KIF6: variants seen among roughly 807,000 people sequenced by gnomAD.
KIF6 encodes the protein kinesin family member 6.
A neutral mutation model predicts 112.7 loss-of-function variants in KIF6; 106 were observed. The observed-to-expected ratio is 0.94, with a 90% CI of 0.80 to 1.11. KIF6 has a LOEUF of 1.11. Ranked by LOEUF, KIF6 falls within the 50% of genes least tolerant of loss-of-function variation. KIF6 has a pLI of 0.00. For synonymous variants in KIF6, 339 were observed against 339.9 expected, an observed-to-expected ratio of 1.00 and a Z score of 0.03; for missense variants, 929 against 964.0, an observed-to-expected ratio of 0.96 and a Z score of 0.48.
intron 16 of KIF6, among the ~76,000 whole-genome samples, chr6:39,376,024 G>T (rs1358791906): frequency 6.6e-6 from 1 of 152,158 alleles, no homozygotes; most frequent in Non-Finnish European, 1.5e-5. Flanking sequence ...CTCACTCCCA[G>T]CCTCTCCCTT....
intron 7 of KIF6, among the ~76,000 whole-genome samples, chr6:39,593,154 C>T (rs57795740): frequency 0.02 from 2,971 of 152,214 alleles, 91 homozygotes; most frequent in African/African-American, 0.067. Flanking sequence ...CATTGTCTAA[C>T]GTAACTCACA....
intron 13 of KIF6, among the ~76,000 whole-genome samples, chr6:39,454,821 A>T (rs1401388284): frequency 2.0e-5 from 3 of 152,116 alleles, no homozygotes; most frequent in Non-Finnish European, 4.4e-5. Context: ...CCGGCTTAAA[A>T]AACGGCGCAC....
intron 3 of KIF6, among the ~76,000 whole-genome samples, chr6:39,648,223 C>CTG (rs1785278736): frequency 1.6e-5 from 1 of 61,718 alleles, no homozygotes. Flanking sequence ...GGGGGGCGGG[C>CTG]GGGGGGGGGT....
chr6:39,590,923 C>T (rs114632398), intron 7 of KIF6, among the ~76,000 whole-genome samples: 269 of 152,272 alleles, frequency 1.8e-3, no homozygotes, highest in African/African-American at 6.0e-3. Context: ...CTATCAAGGA[C>T]TTAGTTTTTG....
intron 13 of KIF6, among the ~76,000 whole-genome samples, chr6:39,536,969 T>C (rs1398504267): frequency 2.6e-5 from 4 of 152,092 alleles, no homozygotes; most frequent in African/African-American, 4.8e-5. Context: ...AAAAACCACA[T>C]GATTATCTCA....
rs767480521 is a variant in KIF6, at chr6:39,586,214, G to C, written c.990+47C>G. 6.2e-6 allele frequency: 10 copies of C among 1,604,870 alleles called. No homozygotes were observed. In the South Asian group the frequency reaches 8.8e-5, roughly 14 times the overall value. ...AGCCTCAACTCCGTCTCACGTGCTAGCAGTAAAAACCTAGATTAAGATCTC... is the reference window on the plus strand; with the variant it reads ...AGCCTCAACTCCGTCTCACGTGCTACCAGTAAAAACCTAGATTAAGATCTC... On this transcript the variant is annotated intron_variant, in intron 8 of 22. Coordinates refer to ENST00000287152, the MANE Select transcript of KIF6 (RefSeq NM_145027.6).
At chr6:39,560,731 A>G (rs1465638429) in intron 10 of KIF6, among the ~76,000 whole-genome samples, 1 of 152,228 alleles carries the variant, frequency 6.6e-6, no homozygotes, top group African/African-American at 2.4e-5. Flanking sequence ...TCTGTCATTA[A>G]TACATCTTTG....
At chr6:39,375,390 T>A (rs1011689811) in intron 16 of KIF6, among the ~76,000 whole-genome samples, 6 of 152,238 alleles carry the variant, frequency 3.9e-5, no homozygotes, top group Non-Finnish European at 8.8e-5. Context: ...AATGAATATG[T>A]TAATTAGCTT....
chr6:39,701,802 TCA>T (rs1389439107), intron 3 of KIF6, among the ~76,000 whole-genome samples: 1 of 152,212 alleles, frequency 6.6e-6, no homozygotes, highest in Non-Finnish European at 1.5e-5. Flanking sequence ...GTTTTGCATT[TCA>T]CACTAGAGAC....
intron 20 of KIF6, among the ~76,000 whole-genome samples, chr6:39,346,132 C>CCTCTCTCTCTCTCTCTCTCTCTCT (rs779814201): frequency 2.6e-4 from 7 of 26,936 alleles, no homozygotes; most frequent in African/African-American, 7.4e-4. Context: ...CCTCCCTCTC[C>CCTCTCTCTCTCTCTCTCTCTCTCT]CTCTCTCTCT....
intron 13 of KIF6, among the ~76,000 whole-genome samples, chr6:39,471,308 C>A (rs1164973008): frequency 6.6e-6 from 1 of 152,128 alleles, no homozygotes; most frequent in Non-Finnish European, 1.5e-5. Context: ...ACTCTTTGAC[C>A]TTTCTTTCCA....
chr6:39,670,704 C>T (rs1195327110), intron 3 of KIF6, among the ~76,000 whole-genome samples: 1 of 152,140 alleles, frequency 6.6e-6, no homozygotes, highest in Non-Finnish European at 1.5e-5. Flanking sequence ...GGTTTATTGA[C>T]TTTAGGGTCT....
chr6:39,650,485 T>C (rs1450200859), intron 3 of KIF6, among the ~76,000 whole-genome samples: 2 of 151,812 alleles, frequency 1.3e-5, no homozygotes, highest in Non-Finnish European at 2.9e-5. Context: ...ATTTACATTA[T>C]AAAAAGTATA....
At chr6:39,662,995 A>G (rs928114167) in intron 3 of KIF6, among the ~76,000 whole-genome samples, 8 of 151,856 alleles carry the variant, frequency 5.3e-5, no homozygotes, top group Non-Finnish European at 1.2e-4. Flanking sequence ...CACAGACTCA[A>G]TTGATCCTCC....
chr6:39,705,012 G>C (rs1789113842), intron 3 of KIF6, among the ~76,000 whole-genome samples: 1 of 152,218 alleles, frequency 6.6e-6, no homozygotes, highest in African/African-American at 2.4e-5. Context: ...ATAAGTGGGA[G>C]GTAAATTATA....
chr6:39,339,640 T>C (rs1477699445), intron 22 of KIF6, among the ~76,000 whole-genome samples: 1 of 151,784 alleles, frequency 6.6e-6, no homozygotes, highest in Non-Finnish European at 1.5e-5. Flanking sequence ...AAAGGCCCTC[T>C]AGAAAGGGGT....
In KIF6 at chr6:39,545,674, A is replaced by G. The variant is rs369914344; in HGVS notation, c.1196T>C (p.Ile399Thr). Reference protein sequence around the residue: ...EAELLQLEKLITSFLEDQDSD... With the variant: ...EAELLQLEKLTTSFLEDQDSD... ...ATCCTGGTCTTCCAAAAAGGATGTT[A>G]TTAGTTTTTCCAGCCTAAAAATACA... The change falls in exon 11 of 23, where the codon ATA becomes ACA. Residue 399 changes from isoleucine to threonine, a missense_variant. Ile to Thr is a moderately conservative substitution (Grantham distance 89). Transcript: ENST00000287152. 160 of 1,612,398 alleles carry G rather than the reference A, an allele frequency of 9.9e-5. No homozygotes were observed. Among genetic ancestry groups the G allele is most frequent in the Non-Finnish European group, 1.3e-4 (155 of 1,178,684 alleles).
chr6:39,610,256 T>A (rs1282018116), intron 6 of KIF6, among the ~76,000 whole-genome samples: 3 of 152,214 alleles, frequency 2.0e-5, no homozygotes, highest in Non-Finnish European at 4.4e-5. Flanking sequence ...CCTAGGGACA[T>A]AATCAAGTTT....
chr6:39,719,809 C>A (rs1411028727), intron 2 of KIF6, among the ~76,000 whole-genome samples: 1 of 152,024 alleles, frequency 6.6e-6, no homozygotes, highest in Non-Finnish European at 1.5e-5. Context: ...TTTCTACTAG[C>A]CACGTTTTTA....
Sources: gnomAD v4.1 joint callset for allele counts (sites outside exome capture counted in the v4.1 genomes callset) on GRCh38, gnomAD v4.1.1 for gene constraint, MANE v1.5 for transcripts, NCBI Gene and HGNC (gene_info 2026-07-23, HGNC 2026-07-21) for gene names.